The following ANKRD55 variants were observed in gnomAD, a reference collection of about 807,000 sequenced individuals.
The protein encoded by ANKRD55 is ankyrin repeat domain-containing protein 55.
A neutral mutation model predicts 60.6 loss-of-function variants in ANKRD55; 41 were observed. The ratio of observed to expected loss-of-function variants is 0.68; its 90% CI spans 0.53 to 0.88. The LOEUF (loss-of-function observed/expected upper bound fraction) is 0.88, where lower values mean the gene tolerates loss of function less well. Among genes scored for constraint, ANKRD55 ranks in the 40% least tolerant of loss-of-function variants. The pLI, the probability that ANKRD55 is intolerant of heterozygous loss-of-function variation, is 0.00. For missense variants in ANKRD55, 732 were observed against 767.6 expected, an observed-to-expected ratio of 0.95 and a Z score of 0.55; for synonymous variants, 264 against 290.3, an observed-to-expected ratio of 0.91 and a Z score of 0.92.
At position 56,166,153 on chromosome 5, in the gene ANKRD55, TCTTCTTTCCTTC is replaced by T. The variant is rs1347908195; in HGVS notation, c.422+4529_422+4540del. On this transcript the variant is annotated intron_variant, in intron 5 of 11. Transcript: ENST00000341048. Reference sequence around the variant, plus strand: ...TTCTTTCTTTCTTTCTTTCTTTCTTTCTTCTTTCCTTCCTTCCTTCCTTCCTTCCTTCCTTCC... The same window carrying T: ...TTCTTTCTTTCTTTCTTTCTTTCTTTCTTCCTTCCTTCCTTCCTTCCTTCC... Among the ~76,000 whole-genome samples the T allele has an allele frequency of 2.6e-4, 13 of 49,532 alleles. 3 individuals are homozygous for T. Among genetic ancestry groups the T allele is most frequent in the East Asian group, 6.7e-4 (1 of 1,484 alleles). The allele number at this position is 49,532 out of a possible 152,430, so 32.5% of individuals were successfully genotyped here.
intron 7 of ANKRD55, among the ~76,000 whole-genome samples, chr5:56,140,252 C>T (rs1222391834): frequency 6.6e-6 from 1 of 152,164 alleles, no homozygotes; most frequent in African/African-American, 2.4e-5. Context: ...CTAAAGAAGG[C>T]AAGTGTAATA....
Position 56,203,017 on chromosome 5 carries a change from C to G in ANKRD55, c.59-19383G>C, listed in dbSNP as rs113305077. ...ATATCTTAATCTTTATGTATGGGGC[C>G]TTTAGGATGGAGGCAATATACACAT... On this transcript the variant is annotated intron_variant, in intron 2 of 11. Coordinates refer to ENST00000341048, the MANE Select transcript of ANKRD55 (RefSeq NM_024669.3). 5.3e-3 allele frequency among the ~76,000 whole-genome samples: 807 copies of G among 152,060 alleles called. 7 individuals carry two copies. Among genetic ancestry groups the G allele is most frequent in the African/African-American group, 0.018 (753 of 41,476 alleles).
chr5:56,175,303 G>A (rs564573612), intron 4 of ANKRD55, among the ~76,000 whole-genome samples: 33 of 152,308 alleles, frequency 2.2e-4, no homozygotes, highest in African/African-American at 6.0e-4. Context: ...ACCATCAGTG[G>A]GCAGCAATAG....
In ANKRD55 at chr5:56,232,948, T is replaced by C; in HGVS notation, c.-33-2A>G. 3.7e-6 allele frequency: 6 copies of C among 1,604,092 alleles called. No homozygotes were observed. The highest frequency in any genetic ancestry group is 2.2e-5 in the South Asian group (2 of 90,800). ...GAATGGCAAAAAGCATCCAGGTCTC[T>C]AGAGAGGAGAAAACACCATCTCAAA... On this transcript the variant is annotated splice_acceptor_variant, in intron 1 of 11. Coordinates refer to ENST00000341048, the MANE Select transcript of ANKRD55 (RefSeq NM_024669.3). LOFTEE classifies it low-confidence loss of function (5UTR_SPLICE).
At chr5:56,220,935 C>T (rs1344043618) in intron 2 of ANKRD55, among the ~76,000 whole-genome samples, 1 of 152,232 alleles carries the variant, frequency 6.6e-6, no homozygotes, top group East Asian at 1.9e-4. Context: ...CTCTTCTCCA[C>T]TTTCTTGACC....
intron 8 of ANKRD55, among the ~76,000 whole-genome samples, chr5:56,117,381 G>C (rs1270449630): frequency 6.6e-6 from 1 of 151,990 alleles, no homozygotes; most frequent in Non-Finnish European, 1.5e-5. Context: ...TATATTAAAG[G>C]CATTGGTCTT....
At chr5:56,211,944 A>T (rs1228155922) in intron 2 of ANKRD55, among the ~76,000 whole-genome samples, 1 of 152,188 alleles carries the variant, frequency 6.6e-6, no homozygotes, top group South Asian at 2.1e-4. Context: ...TAAAACATTA[A>T]GATAAATATC....
At chr5:56,157,468 T>G (rs1387552446) in intron 6 of ANKRD55, among the ~76,000 whole-genome samples, 1 of 152,108 alleles carries the variant, frequency 6.6e-6, no homozygotes, top group Non-Finnish European at 1.5e-5. Flanking sequence ...TCTTTGCAGT[T>G]GAGATAAGAG....
chr5:56,196,869 CA>C, intron 2 of ANKRD55, among the ~76,000 whole-genome samples: 1 of 152,246 alleles, frequency 6.6e-6, no homozygotes, highest in South Asian at 2.1e-4. Context: ...CAGTGATTGT[CA>C]AAAGTGTGGT....
chr5:56,109,947 A>G (rs1473760463), intron 10 of ANKRD55, among the ~76,000 whole-genome samples: 1 of 151,626 alleles, frequency 6.6e-6, no homozygotes, highest in African/African-American at 2.4e-5. Flanking sequence ...GAACCCGGGA[A>G]GCGGAGGTTG....
At chr5:56,143,991 C>T in intron 6 of ANKRD55, 62 bp from the exon 7 acceptor site, 1 of 1,606,080 alleles carries the variant, frequency 6.2e-7, no homozygotes, top group East Asian at 2.2e-5. Flanking sequence ...AAAACTGGAG[C>T]TCACACTTTC....
At chr5:56,135,211 TTTCCTTCC>T (rs201467096) in intron 7 of ANKRD55, among the ~76,000 whole-genome samples, 1,288 of 118,388 alleles carry the variant, frequency 0.011, 53 homozygotes, top group African/African-American at 0.03. Flanking sequence ...GTCTCACAAC[TTTCCTTCC>T]TTCCTTCCTT....
Position 56,166,147 on chromosome 5 carries a change from T to TTTC in ANKRD55, c.422+4544_422+4546dup, listed in dbSNP as rs746590408. On this transcript the variant is annotated intron_variant, in intron 5 of 11. Transcript: ENST00000341048. ...CTTTCTTTCTTTCTTTCTTTCTTTC[T>TTTC]TTCTTTCTTCTTTCCTTCCTTCCTT... Among the ~76,000 whole-genome samples the TTTC allele has an allele frequency of 1.3e-3, 135 of 104,644 alleles. 8 individuals carry two copies. Among genetic ancestry groups the TTTC allele is most frequent in the African/African-American group, 4.5e-3 (85 of 18,696 alleles). 68.7% of individuals were successfully genotyped at this position (104,644 alleles called of 152,430 possible).
At chr5:56,166,618 G>C (rs991587334) in intron 5 of ANKRD55, among the ~76,000 whole-genome samples, 2 of 151,788 alleles carry the variant, frequency 1.3e-5, no homozygotes, top group African/African-American at 4.8e-5. Flanking sequence ...GATAACGAGT[G>C]AAGAAACAAG....
chr5:56,168,439 C>T (rs1470780360), intron 5 of ANKRD55, among the ~76,000 whole-genome samples: 2 of 152,212 alleles, frequency 1.3e-5, no homozygotes, highest in Non-Finnish European at 1.5e-5. Context: ...GTCCCCGTAT[C>T]GCAGCACTGT....
At chr5:56,121,742 T>C (rs1032520236) in intron 8 of ANKRD55, among the ~76,000 whole-genome samples, 1 of 152,188 alleles carries the variant, frequency 6.6e-6, no homozygotes, top group Non-Finnish European at 1.5e-5. Flanking sequence ...TCACTCACTG[T>C]GTGGTTCTGG....
At chr5:56,183,433 T>A in intron 3 of ANKRD55, 79 bp downstream of exon 3, 1 of 1,561,838 alleles carries the variant, frequency 6.4e-7, no homozygotes, top group Non-Finnish European at 8.7e-7. Flanking sequence ...ATACATTTAT[T>A]AACATTGCTC....
At chr5:56,193,032 C>A in intron 2 of ANKRD55, 1 of 980,210 alleles carries the variant, frequency 1.0e-6, no homozygotes, top group Non-Finnish European at 1.5e-6. Context: ...TTAGAAGATG[C>A]TGATTGGTTT....
intron 8 of ANKRD55, among the ~76,000 whole-genome samples, chr5:56,122,933 T>C (rs1757118276): frequency 6.6e-6 from 1 of 151,604 alleles, no homozygotes; most frequent in Non-Finnish European, 1.5e-5. Context: ...GTCCGGCTAA[T>C]GTTTGTATTT....
Sources: gnomAD v4.1 joint callset for allele counts (sites outside exome capture counted in the v4.1 genomes callset) on GRCh38, gnomAD v4.1.1 for gene constraint, MANE v1.5 for transcripts, NCBI Gene and HGNC (gene_info 2026-07-23, HGNC 2026-07-21) for gene names.